The following SLC16A10 variants were observed in gnomAD, a reference collection of about 807,000 sequenced individuals.
SLC16A10 encodes the protein monocarboxylate transporter 10.
In SLC16A10, 27 loss-of-function variants were observed where a neutral mutation model predicts 40.0. The ratio of observed to expected loss-of-function variants is 0.67; its 90% CI spans 0.50 to 0.93. The LOEUF (loss-of-function observed/expected upper bound fraction) is 0.93, where lower values mean the gene tolerates loss of function less well. Ranked by LOEUF, SLC16A10 falls within the 40% of genes least tolerant of loss-of-function variation. SLC16A10 has a pLI of 0.00. For synonymous variants in SLC16A10, 213 were observed against 249.8 expected, an observed-to-expected ratio of 0.85 and a Z score of 1.39; for missense variants, 529 against 658.2, an observed-to-expected ratio of 0.80 and a Z score of 2.15.
At chr6:111,184,817 A>G (rs560949498) in intron 3 of SLC16A10, among the ~76,000 whole-genome samples, 1 of 152,290 alleles carries the variant, frequency 6.6e-6, no homozygotes, top group South Asian at 2.1e-4. Context: ...AAAATTTGAG[A>G]CTAATAAGTC....
At chr6:111,119,298 A>G (rs1269525982) in intron 1 of SLC16A10, among the ~76,000 whole-genome samples, 1 of 152,238 alleles carries the variant, frequency 6.6e-6, no homozygotes, top group Non-Finnish European at 1.5e-5. Flanking sequence ...TTCTCTGTAA[A>G]GAGCCATTTA....
intron 5 of SLC16A10, among the ~76,000 whole-genome samples, chr6:111,219,473 A>G (rs560278054): frequency 6.6e-6 from 1 of 152,104 alleles, no homozygotes; most frequent in African/African-American, 2.4e-5. Context: ...GGCTGCAGTG[A>G]GCTGTGATCA....
chr6:111,095,083 GA>G (rs1276370725), intron 1 of SLC16A10, among the ~76,000 whole-genome samples: 1 of 152,178 alleles, frequency 6.6e-6, no homozygotes, highest in Non-Finnish European at 1.5e-5. Context: ...TTACTTTTAG[GA>G]AAATGTCAAA....
chr6:111,110,184 GCTTT>G (rs1189456855), intron 1 of SLC16A10, among the ~76,000 whole-genome samples: 2 of 152,124 alleles, frequency 1.3e-5, no homozygotes. Flanking sequence ...CAGCCAGCAC[GCTTT>G]CATCGGCCTG....
chr6:111,093,237 CATTAAAA>C (rs1454481749), intron 1 of SLC16A10, among the ~76,000 whole-genome samples: 1 of 152,052 alleles, frequency 6.6e-6, no homozygotes, highest in Non-Finnish European at 1.5e-5. Flanking sequence ...TAAATCAAAA[CATTAAAA>C]ATTAAGTAGT....
chr6:111,206,234 G>A (rs751602966), intron 3 of SLC16A10, among the ~76,000 whole-genome samples: 5 of 151,824 alleles, frequency 3.3e-5, no homozygotes, highest in Admixed American at 6.6e-5. Context: ...GCGTCACCAC[G>A]CCTGGCTAAT....
chr6:111,167,667 G>C (rs1035203828), intron 1 of SLC16A10, among the ~76,000 whole-genome samples: 1 of 151,748 alleles, frequency 6.6e-6, no homozygotes, highest in African/African-American at 2.4e-5. Flanking sequence ...GTATGTGAGA[G>C]AGAGAGAGAG....
intron 1 of SLC16A10, among the ~76,000 whole-genome samples, chr6:111,131,943 C>T (rs1436510601): frequency 6.6e-6 from 1 of 152,232 alleles, no homozygotes; most frequent in African/African-American, 2.4e-5. Flanking sequence ...GAATCTACTT[C>T]CTCCAATCCC....
In SLC16A10 at chr6:111,102,198, G is replaced by A. The variant is rs112974824; in HGVS notation, c.343+14103G>A. Among the ~76,000 whole-genome samples the A allele has an allele frequency of 2.6e-3, 390 of 152,278 alleles. 3 individuals are homozygous for A. The highest frequency in any genetic ancestry group is 8.9e-3 in the African/African-American group (369 of 41,562). Reference sequence around the variant, plus strand: ...GATTGCTTCCTTGGGTGTACGTCCAGAAGTGAGATTACTGGTTCAAAGGGT... The same window carrying A: ...GATTGCTTCCTTGGGTGTACGTCCAAAAGTGAGATTACTGGTTCAAAGGGT... On this transcript the variant is annotated intron_variant, in intron 1 of 5. Transcript: ENST00000368851.
At chr6:111,132,950 A>T (rs1283247638) in intron 1 of SLC16A10, among the ~76,000 whole-genome samples, 1 of 152,238 alleles carries the variant, frequency 6.6e-6, no homozygotes, top group Non-Finnish European at 1.5e-5. Context: ...TGTTTACAGA[A>T]TCAAAAAAAC....
At chr6:111,149,159 A>G (rs1772129251) in intron 1 of SLC16A10, among the ~76,000 whole-genome samples, 1 of 152,190 alleles carries the variant, frequency 6.6e-6, no homozygotes, top group African/African-American at 2.4e-5. Flanking sequence ...TTCAACTATG[A>G]TTCTAGGTCA....
chr6:111,093,201 ACTTTGTC>A (rs1771015033), intron 1 of SLC16A10, among the ~76,000 whole-genome samples: 3 of 149,672 alleles, frequency 2.0e-5, no homozygotes, highest in Non-Finnish European at 4.5e-5. Context: ...CAAGAGAGAA[ACTTTGTC>A]TCACACACAA....
At chr6:111,088,737 T>C (rs1161172565) in intron 1 of SLC16A10, among the ~76,000 whole-genome samples, 1 of 152,166 alleles carries the variant, frequency 6.6e-6, no homozygotes, top group East Asian at 1.9e-4. Flanking sequence ...GGTGAAGGGT[T>C]GCTTCTTCCC....
chr6:111,160,032 A>G (rs1416854757), intron 1 of SLC16A10, among the ~76,000 whole-genome samples: 1 of 152,128 alleles, frequency 6.6e-6, no homozygotes, highest in African/African-American at 2.4e-5. Flanking sequence ...AGTTCTTACT[A>G]GATATGTAAT....
chr6:111,179,440 C>G (rs1001888363), intron 3 of SLC16A10, among the ~76,000 whole-genome samples: 1 of 152,210 alleles, frequency 6.6e-6, no homozygotes, highest in African/African-American at 2.4e-5. Context: ...GGAGTTAGTT[C>G]TCTTCCACTG....
chr6:111,182,258 C>G (rs143728950), intron 3 of SLC16A10, among the ~76,000 whole-genome samples: 1 of 151,564 alleles, frequency 6.6e-6, no homozygotes, highest in African/African-American at 2.4e-5. Flanking sequence ...ATCTTGGCCT[C>G]CCAAAATGCT....
At chr6:111,189,532 A>C (rs1772955300) in intron 3 of SLC16A10, among the ~76,000 whole-genome samples, 1 of 152,146 alleles carries the variant, frequency 6.6e-6, no homozygotes, top group South Asian at 2.1e-4. Flanking sequence ...TACTGCATTA[A>C]TCTGTTTTCA....
Position 111,177,518 on chromosome 6 carries a change from T to G in SLC16A10, c.795T>G (p.Gly265=). 2 of 1,613,878 alleles carry G rather than the reference T, an allele frequency of 1.2e-6. No homozygotes were observed. The highest frequency in any genetic ancestry group is 1.7e-6 in the Non-Finnish European group (2 of 1,179,946). Residue 265 remains glycine (G), a synonymous_variant, in exon 3 of 6, where the codon GGT becomes GGG. Transcript: ENST00000368851. ...ATSTKDKESG[G]SGSSLFSRKK... is the part of the protein sequence containing the mutation. ...GTACCAAAGATAAAGAGAGTGGAGGTAGCGGATCCTCCCTCTTTTCCAGGA... is the reference window on the plus strand; with the variant it reads ...GTACCAAAGATAAAGAGAGTGGAGGGAGCGGATCCTCCCTCTTTTCCAGGA...
intron 3 of SLC16A10, among the ~76,000 whole-genome samples, chr6:111,189,410 AT>A (rs1392997772): frequency 6.6e-6 from 1 of 152,170 alleles, no homozygotes; most frequent in Non-Finnish European, 1.5e-5. Flanking sequence ...CAAGAGTTGG[AT>A]TTTTTTATCC....
Sources: gnomAD v4.1 joint callset for allele counts (sites outside exome capture counted in the v4.1 genomes callset) on GRCh38, gnomAD v4.1.1 for gene constraint, MANE v1.5 for transcripts, NCBI Gene and HGNC (gene_info 2026-07-23, HGNC 2026-07-21) for gene names.